FARP2: variants seen among roughly 807,000 people sequenced by gnomAD.
The protein encoded by FARP2 is FERM, ARHGEF and pleckstrin domain-containing protein 2.
In FARP2, 111 loss-of-function variants were observed where a neutral mutation model predicts 130.5. That is an observed-to-expected ratio of 0.85 (90% CI 0.73 to 1.00). The LOEUF (loss-of-function observed/expected upper bound fraction) is 1.00. Ranked by LOEUF, FARP2 falls within the 50% of genes least tolerant of loss-of-function variation. FARP2 has a pLI of 0.00. For synonymous variants in FARP2, 504 were observed against 516.9 expected, an observed-to-expected ratio of 0.98 and a Z score of 0.34; for missense variants, 1,385 against 1,346.3, an observed-to-expected ratio of 1.03 and a Z score of -0.45.
At chr2:241,373,020 C>T (rs1004478369) in intron 1 of FARP2, 64 bp from the exon 2 acceptor site, 6 of 903,712 alleles carry the variant, frequency 6.6e-6, no homozygotes. Flanking sequence ...TTGTCTTTTA[C>T]CTTGTTTTAG....
chr2:241,368,861 T>C (rs1182950454), intron 1 of FARP2, among the ~76,000 whole-genome samples: 1 of 152,162 alleles, frequency 6.6e-6, no homozygotes, highest in Non-Finnish European at 1.5e-5. Flanking sequence ...TGTTAAAGTC[T>C]TAAATATAAG....
intron 13 of FARP2, chr2:241,447,239 A>G (rs145514546): frequency 2.0e-5 from 3 of 152,340 alleles, no homozygotes; most frequent in Non-Finnish European, 4.4e-5. Context: ...AAGCAGCTGC[A>G]TATTTTTTAT....
chr2:241,492,410 T>C (rs944651831), intron 24 of FARP2, among the ~76,000 whole-genome samples: 3 of 152,050 alleles, frequency 2.0e-5, no homozygotes, highest in Non-Finnish European at 4.4e-5. Flanking sequence ...CATCTTAGAG[T>C]GCAACCCCTG....
chr2:241,402,089 C>T (rs2062184101), intron 2 of FARP2, among the ~76,000 whole-genome samples: 1 of 152,168 alleles, frequency 6.6e-6, no homozygotes, highest in South Asian at 2.1e-4. Context: ...CGTGCCCGGC[C>T]TATTTTACCA....
chr2:241,375,155 G>A (rs1178687927), intron 2 of FARP2, among the ~76,000 whole-genome samples: 1 of 152,098 alleles, frequency 6.6e-6, no homozygotes, highest in Admixed American at 6.5e-5. Flanking sequence ...GTTTCACCAT[G>A]TTAGCCAGTA....
At chr2:241,364,053 C>T (rs2061250168) in intron 1 of FARP2, among the ~76,000 whole-genome samples, 1 of 152,182 alleles carries the variant, frequency 6.6e-6, no homozygotes, top group South Asian at 2.1e-4. Context: ...GGCAAAAGCA[C>T]ATTGCAGATG....
At chr2:241,388,221 A>C (rs1189940278) in intron 2 of FARP2, among the ~76,000 whole-genome samples, 1 of 152,250 alleles carries the variant, frequency 6.6e-6, no homozygotes, top group Non-Finnish European at 1.5e-5. Context: ...GGTATGGCAT[A>C]AGGATAGACT....
chr2:241,414,987 G>T (rs2062626992), intron 7 of FARP2, among the ~76,000 whole-genome samples: 1 of 152,246 alleles, frequency 6.6e-6, no homozygotes, highest in African/African-American at 2.4e-5. Flanking sequence ...AGAGGCTGTA[G>T]TGGCAATTAC....
intron 24 of FARP2, among the ~76,000 whole-genome samples, chr2:241,492,393 G>A (rs1043036576): frequency 1.3e-5 from 2 of 152,186 alleles, no homozygotes; most frequent in African/African-American, 2.4e-5. Flanking sequence ...AGCTAGGCCC[G>A]CTCCGCCATC....
At chr2:241,358,576 C>T (rs144758921) in intron 1 of FARP2, among the ~76,000 whole-genome samples, 3 of 152,292 alleles carry the variant, frequency 2.0e-5, no homozygotes, top group African/African-American at 4.8e-5. Context: ...GCTGCTTGTC[C>T]TTTCAGTTTT....
chr2:241,462,117 G>A (rs962902367), intron 14 of FARP2, among the ~76,000 whole-genome samples: 3 of 152,176 alleles, frequency 2.0e-5, no homozygotes, highest in Non-Finnish European at 4.4e-5. Flanking sequence ...CAAGTCTGGC[G>A]CTCTGATGCA....
chr2:241,409,747 C>T (rs557811063), intron 5 of FARP2, among the ~76,000 whole-genome samples: 1 of 152,092 alleles, frequency 6.6e-6, no homozygotes, highest in Non-Finnish European at 1.5e-5. Context: ...TTGATTTTTC[C>T]CCCCACTTAT....
chr2:241,438,138 A>G (rs962621612), intron 12 of FARP2, among the ~76,000 whole-genome samples: 2 of 152,168 alleles, frequency 1.3e-5, no homozygotes, highest in Non-Finnish European at 2.9e-5. Flanking sequence ...GTAACATATC[A>G]TAACTCTTTC....
intron 13 of FARP2, chr2:241,442,041 C>T (rs1382691295): frequency 2.8e-6 from 1 of 359,266 alleles, no homozygotes; most frequent in Non-Finnish European, 5.5e-6. Context: ...AAAGTGACTT[C>T]AATGGGAACG....
chr2:241,379,483 A>T (rs2061613013), intron 2 of FARP2, among the ~76,000 whole-genome samples: 1 of 152,080 alleles, frequency 6.6e-6, no homozygotes, highest in Non-Finnish European at 1.5e-5. Context: ...GTTAGGGTGG[A>T]CTTTCCTTTT....
intron 14 of FARP2, among the ~76,000 whole-genome samples, chr2:241,461,683 A>G (rs1385581464): frequency 6.6e-6 from 1 of 152,182 alleles, no homozygotes; most frequent in Non-Finnish European, 1.5e-5. Flanking sequence ...CGGAGCTGAC[A>G]CCTGCTCCAT....
chr2:241,432,797 A>G (rs1350056326), intron 9 of FARP2, among the ~76,000 whole-genome samples: 1 of 152,252 alleles, frequency 6.6e-6, no homozygotes, highest in Non-Finnish European at 1.5e-5. Context: ...GTTAGAAAAT[A>G]AAAAGTAGAT....
At position 241,483,681 on chromosome 2, in the gene FARP2, A is replaced by G. The variant is rs1362663680; in HGVS notation, c.2331+148A>G. 7 of 1,254,578 alleles carry G rather than the reference A, an allele frequency of 5.6e-6. No individual in the cohort carries two copies. The East Asian group carries it at 1.3e-4, about 23-fold the overall frequency. The allele number at this position is 1,254,578 out of a possible 1,614,324, so 77.7% of individuals were successfully genotyped here. ...GGTCCAGGTGGGTAGCGTTGGAGTC[A>G]GACAGGGCCAGGGGAGGGTCACAGA... is the stretch of plus-strand genomic sequence containing the variant. On this transcript the variant is annotated intron_variant, in intron 20 of 26. Transcript: ENST00000264042.
intron 18 of FARP2, among the ~76,000 whole-genome samples, chr2:241,470,559 G>T (rs918398907): frequency 8.6e-5 from 13 of 151,350 alleles, no homozygotes; most frequent in African/African-American, 2.9e-4. Flanking sequence ...AGTGTTCTGA[G>T]GGGGGACTCT....
Sources: gnomAD v4.1 joint callset for allele counts (sites outside exome capture counted in the v4.1 genomes callset) on GRCh38, gnomAD v4.1.1 for gene constraint, MANE v1.5 for transcripts, NCBI Gene and HGNC (gene_info 2026-07-23, HGNC 2026-07-21) for gene names.